The following MYPN variants were observed in gnomAD, a reference collection of about 807,000 sequenced individuals.
MYPN encodes sarcomeric protein myopalladin, 145 kDa (MYOP).
Under a neutral mutation model 129.4 loss-of-function variants are expected in MYPN, and 63 were observed. The observed-to-expected ratio is 0.49, with a 90% CI of 0.40 to 0.60. The LOEUF (loss-of-function observed/expected upper bound fraction) is 0.60. Among genes scored for constraint, MYPN ranks in the 20% least tolerant of loss-of-function variants. The pLI is 0.00. For synonymous variants in MYPN, 629 were observed against 600.9 expected (o/e 1.05, Z -0.68); for missense variants, 1,596 against 1,635.4 (o/e 0.98, Z 0.42).
At chr10:68,095,050 G>A (rs1035442534) in intron 1 of MYPN, among the ~76,000 whole-genome samples, 1 of 152,208 alleles carries the variant, frequency 6.6e-6, no homozygotes, top group Middle Eastern at 3.4e-3. Context: ...TACAGAGGGA[G>A]ACTTTTTAAA....
intron 19 of MYPN, 110 bp downstream of exon 19, chr10:68,207,013 T>G: frequency 7.2e-7 from 1 of 1,388,386 alleles, no homozygotes; most frequent in African/African-American, 1.4e-5. Context: ...ATCCCAGCAC[T>G]TTGGGAGGCC....
intron 12 of MYPN, among the ~76,000 whole-genome samples, chr10:68,182,271 T>A (rs7913829): frequency 3.2e-5 from 1 of 31,602 alleles, no homozygotes; most frequent in South Asian, 5.3e-3. Context: ...ATATAACATA[T>A]ATATAACACA....
chr10:68,197,466 G>C lies in MYPN; in HGVS notation c.3273G>C (p.Arg1091=). Residue 1091 remains arginine, a synonymous_variant, in exon 16 of 20, where the codon CGG becomes CGC. Coordinates refer to ENST00000358913, the MANE Select transcript of MYPN (RefSeq NM_032578.4). ...TAGCTCATGAGGGGCGCCTCTGTCG[G>C]CTGGACTGTAAGGTAGACTCCAGCA... ...DMVAHEGRLC[R]LDCKVSGLPP... is the part of the protein sequence containing the mutation. The C allele has an allele frequency of 6.2e-7, 1 of 1,613,816 alleles. No individual in the cohort carries two copies. The highest frequency in any genetic ancestry group is 8.5e-7 in the Non-Finnish European group (1 of 1,179,834).
intron 2 of MYPN, chr10:68,135,355 C>A: frequency 8.9e-6 from 3 of 337,056 alleles, no homozygotes; most frequent in Non-Finnish European, 1.3e-5. Context: ...CTTAAGTTTA[C>A]TAACTCAGTA....
chr10:68,132,540 T>C (rs190101758), intron 2 of MYPN, among the ~76,000 whole-genome samples: 2 of 152,356 alleles, frequency 1.3e-5, no homozygotes, highest in East Asian at 1.9e-4. Context: ...GGTTATGGTT[T>C]ACATCTTTCT....
chr10:68,132,723 TA>T lies in MYPN; in HGVS notation c.903-10211del, dbSNP rs1340562538. The stretch of plus-strand genomic sequence containing the variant: ...TGGTAGGGGGGATATAGGGCAGTCA[TA>T]AAAAAGAAGAGTTGCTTCAAGAGGG... On this transcript the variant is annotated intron_variant, in intron 2 of 19. Coordinates refer to ENST00000358913, the MANE Select transcript of MYPN (RefSeq NM_032578.4). 2.6e-5 allele frequency among the ~76,000 whole-genome samples: 4 copies of T among 152,196 alleles called. No homozygotes were observed. In the East Asian group the frequency reaches 7.7e-4, roughly 29 times the overall value.
rs75877440 is a variant in MYPN at position 68,160,069 on chromosome 10, T to C, written c.1459+1442T>C. 5.6e-3 allele frequency among the ~76,000 whole-genome samples: 858 copies of C among 152,174 alleles called. 11 individuals carry two copies. Among genetic ancestry groups the C allele is most frequent in the African/African-American group, 0.02 (832 of 41,520 alleles). ...CATATGAATCAGAGCTACTCTCAGG[T>C]TTTATTGGTAGTAGCAGCAACAATA... On this transcript the variant is annotated intron_variant, in intron 7 of 19. Transcript: ENST00000358913.
chr10:68,140,518 T>C (rs1256826062), intron 2 of MYPN, among the ~76,000 whole-genome samples: 5 of 151,932 alleles, frequency 3.3e-5, no homozygotes, highest in Non-Finnish European at 7.4e-5. Context: ...TTTTTTTTTT[T>C]AGGTGAAGTT....
chr10:68,197,205 A>C (rs1357262143), intron 15 of MYPN, 147 bp from the exon 16 acceptor site: 1 of 741,668 alleles, frequency 1.3e-6, no homozygotes, highest in Non-Finnish European at 2.2e-6. Context: ...CCACACCATT[A>C]TTTATTGTTT....
intron 1 of MYPN, among the ~76,000 whole-genome samples, chr10:68,096,725 G>A (rs2041958321): frequency 6.6e-6 from 1 of 152,210 alleles, no homozygotes; most frequent in Non-Finnish European, 1.5e-5. Flanking sequence ...CTACATAAGA[G>A]TGTTTATATG....
At position 68,145,532 on chromosome 10, in the gene MYPN, T is replaced by G; in HGVS notation, c.1130+6T>G. 2 of 1,610,918 alleles carry G rather than the reference T, an allele frequency of 1.2e-6. No homozygotes were observed. The highest frequency in any genetic ancestry group is 1.7e-6 in the Non-Finnish European group (2 of 1,177,626). On this transcript the variant is annotated splice_donor_region_variant and intron_variant, in intron 4 of 19. Coordinates refer to ENST00000358913, the MANE Select transcript of MYPN (RefSeq NM_032578.4). ...AACAAGGAAGAGATGAATCGGTAAT[T>G]CTGATTTTCTGTCTTATAGCTTTAG...
At chr10:68,145,395 A>G (rs563646690) in intron 3 of MYPN, 80 bp from the exon 4 acceptor site, 2 of 1,147,148 alleles carry the variant, frequency 1.7e-6, no homozygotes, top group South Asian at 2.5e-5. Context: ...GTATCATCTT[A>G]AAAATCTTAT....
At chr10:68,177,645 A>T (rs937982732) in intron 12 of MYPN, among the ~76,000 whole-genome samples, 5 of 152,196 alleles carry the variant, frequency 3.3e-5, no homozygotes, top group Non-Finnish European at 5.9e-5. Context: ...TTAAGAAGAA[A>T]GTCAGCTTAG....
At chr10:68,148,203 T>C in intron 4 of MYPN, 150 bp from the exon 5 acceptor site, 1 of 675,588 alleles carries the variant, frequency 1.5e-6, no homozygotes, top group Non-Finnish European at 2.6e-6. Flanking sequence ...GTAGCAAAAA[T>C]GCCCTTGGTC....
At chr10:68,200,655 G>C (rs1232878606) in intron 17 of MYPN, among the ~76,000 whole-genome samples, 1 of 152,108 alleles carries the variant, frequency 6.6e-6, no homozygotes, top group African/African-American at 2.4e-5. Flanking sequence ...CTACTAGGGA[G>C]GCTGAGGCAG....
At chr10:68,198,827 G>A (rs985361543) in intron 16 of MYPN, among the ~76,000 whole-genome samples, 8 of 151,176 alleles carry the variant, frequency 5.3e-5, no homozygotes, top group Non-Finnish European at 1.0e-4. Context: ...GAGAACACAT[G>A]GACACAGAGA....
At chr10:68,120,769 A>C (rs2042229398) in intron 1 of MYPN, among the ~76,000 whole-genome samples, 1 of 152,192 alleles carries the variant, frequency 6.6e-6, no homozygotes, top group Non-Finnish European at 1.5e-5. Context: ...GTATGAAAGC[A>C]CTGTATAACT....
At chr10:68,125,641 T>A (rs1157950105) in intron 2 of MYPN, among the ~76,000 whole-genome samples, 1 of 152,234 alleles carries the variant, frequency 6.6e-6, no homozygotes. Context: ...ATTTTTATAG[T>A]ACAAACTTTA....
At chr10:68,156,886 G>A (rs1228673916) in intron 6 of MYPN, among the ~76,000 whole-genome samples, 1 of 152,230 alleles carries the variant, frequency 6.6e-6, no homozygotes, top group Admixed American at 6.5e-5. Flanking sequence ...AGAGTTTGTG[G>A]AGGAAGTTTA....
Sources: gnomAD v4.1 joint callset for allele counts (sites outside exome capture counted in the v4.1 genomes callset) on GRCh38, gnomAD v4.1.1 for gene constraint, MANE v1.5 for transcripts, NCBI Gene and HGNC (gene_info 2026-07-23, HGNC 2026-07-21) for gene names.